The following KIAA0825 variants were observed in gnomAD, a reference collection of about 807,000 sequenced individuals.
KIAA0825 encodes KIAA0825.
Under a neutral mutation model 147.6 loss-of-function variants are expected in KIAA0825, and 119 were observed. The ratio of observed to expected loss-of-function variants is 0.81; its 90% confidence interval spans 0.69 to 0.94. The LOEUF (loss-of-function observed/expected upper bound fraction) is 0.94, where lower values mean the gene tolerates loss of function less well. Ranked by LOEUF, KIAA0825 falls within the 40% of genes least tolerant of loss-of-function variation. KIAA0825 has a pLI of 0.00. For missense variants in KIAA0825, 1,381 were observed against 1,472.7 expected (o/e 0.94, Z 1.02); for synonymous variants, 470 against 518.1 (o/e 0.91, Z 1.26).
chr5:94,315,036 G>A (rs1170181236), intron 20 of KIAA0825, among the ~76,000 whole-genome samples: 3 of 151,562 alleles, frequency 2.0e-5, no homozygotes, highest in Non-Finnish European at 4.4e-5. Flanking sequence ...GCAATAGCTA[G>A]GGATCTCTTG....
At chr5:94,207,692 A>G (rs909156111) in intron 20 of KIAA0825, among the ~76,000 whole-genome samples, 6 of 152,226 alleles carry the variant, frequency 3.9e-5, no homozygotes, top group Non-Finnish European at 7.3e-5. Context: ...TACAACATGG[A>G]TTGAGCAGAC....
chr5:94,388,151 G>A (rs562234108), intron 18 of KIAA0825, among the ~76,000 whole-genome samples: 1 of 152,194 alleles, frequency 6.6e-6, no homozygotes, highest in East Asian at 1.9e-4. Flanking sequence ...ATTCTCATAA[G>A]GAACACACAA....
chr5:94,365,723 A>G (rs571816057), intron 20 of KIAA0825, among the ~76,000 whole-genome samples: 1 of 152,210 alleles, frequency 6.6e-6, no homozygotes, highest in African/African-American at 2.4e-5. Flanking sequence ...TTTAGCTTTG[A>G]AACAAAGATG....
In KIAA0825 at chr5:94,473,291, C is replaced by T; in HGVS notation, c.1455+1G>A. 1 of 1,551,074 alleles carries T rather than the reference C, an allele frequency of 6.4e-7. No individual in the cohort carries two copies. The highest frequency in any genetic ancestry group is 1.2e-5 in the South Asian group (1 of 83,992). Reference sequence around the variant, plus strand: ...AGTTTGAAAGGATTTCATATACTTGCTTTTCCAATTTTCTTTGGTTGTTCC... The same window carrying T: ...AGTTTGAAAGGATTTCATATACTTGTTTTTCCAATTTTCTTTGGTTGTTCC... On this transcript the variant is annotated splice_donor_variant, in intron 8 of 20. Coordinates refer to ENST00000682413, the MANE Select transcript of KIAA0825 (RefSeq NM_001145678.3). LOFTEE classifies it high-confidence loss of function.
rs1766616552 is a variant in KIAA0825, at chr5:94,152,843, AAAAAAAAAAAAATTATATATATATAT to A, written c.*1138_*1163del. On this transcript the variant is annotated 3_prime_UTR_variant, in exon 21 of 21. Coordinates refer to ENST00000682413, the MANE Select transcript of KIAA0825 (RefSeq NM_001145678.3). The stretch of plus-strand genomic sequence containing the variant: ...AATGAAAAAAAAAAAAAAAAAAAAA[AAAAAAAAAAAAATTATATATATATAT>A]ATATATATATATATATATATATATA... The A allele has an allele frequency of 2.8e-5, 1 of 35,668 alleles. No individual in the cohort carries two copies. The highest frequency in any genetic ancestry group is 5.5e-5 in the Non-Finnish European group (1 of 18,226). 2.2% of individuals were successfully genotyped at this position (35,668 alleles called of 1,614,324 possible).
rs74664744 is a variant in KIAA0825, at chr5:94,538,678, T to C, written c.-1-1551A>G. ...ATCCATGGTGATCCATTCTTATTTATTGACAAAGGACTAGGTTGATACATA... is the reference window on the plus strand; with the variant it reads ...ATCCATGGTGATCCATTCTTATTTACTGACAAAGGACTAGGTTGATACATA... On this transcript the variant is annotated intron_variant, in intron 2 of 20. Transcript: ENST00000682413. Among the ~76,000 whole-genome samples, 1,396 of 152,340 alleles carry C rather than the reference T, an allele frequency of 9.2e-3. 16 individuals are homozygous for C. Among genetic ancestry groups the C allele is most frequent in the African/African-American group, 0.032 (1,342 of 41,562 alleles).
intron 20 of KIAA0825, among the ~76,000 whole-genome samples, chr5:94,281,551 A>G (rs995484240): frequency 1.8e-4 from 27 of 152,144 alleles, no homozygotes; most frequent in African/African-American, 6.3e-4. Flanking sequence ...GGATTGGTAG[A>G]GTTAGCTTTA....
chr5:94,595,150 C>A (rs1382363601), intron 1 of KIAA0825, among the ~76,000 whole-genome samples: 1 of 152,178 alleles, frequency 6.6e-6, no homozygotes, highest in Non-Finnish European at 1.5e-5. Context: ...GGTAGTCCCC[C>A]AGTGGGGACT....
intron 20 of KIAA0825, among the ~76,000 whole-genome samples, chr5:94,292,779 C>T (rs1302788044): frequency 3.3e-5 from 5 of 152,064 alleles, no homozygotes; most frequent in Non-Finnish European, 7.4e-5. Flanking sequence ...ATTACTGCCT[C>T]AATTTCAGAA....
At position 94,152,460 on chromosome 5, in the gene KIAA0825, G is replaced by C. The variant is rs1260775856; in HGVS notation, c.*1547C>G. On this transcript the variant is annotated 3_prime_UTR_variant, in exon 21 of 21. Transcript: ENST00000682413. ...TCCAGGGCTTTGAGAGACAGAGAGG[G>C]GAAGATCACTTGAGGTAGGGAGTTC... Among the ~76,000 whole-genome samples the C allele has an allele frequency of 6.6e-6, 1 of 151,930 alleles. No homozygotes were observed. Among genetic ancestry groups the C allele is most frequent in the East Asian group, 1.9e-4 (1 of 5,148 alleles).
chr5:94,194,168 C>T (rs183644747), intron 20 of KIAA0825, among the ~76,000 whole-genome samples: 3 of 152,174 alleles, frequency 2.0e-5, no homozygotes, highest in African/African-American at 7.2e-5. Context: ...TGCTTGCAGA[C>T]AATGTCTCCT....
intron 14 of KIAA0825, among the ~76,000 whole-genome samples, chr5:94,432,585 G>C (rs990894201): frequency 2.0e-5 from 3 of 146,726 alleles, no homozygotes; most frequent in African/African-American, 7.4e-5. Flanking sequence ...AGTAAAGAAA[G>C]TGACAAAAAA....
At chr5:94,515,578 G>A (rs1428409036) in intron 5 of KIAA0825, among the ~76,000 whole-genome samples, 1 of 152,058 alleles carries the variant, frequency 6.6e-6, no homozygotes, top group Non-Finnish European at 1.5e-5. Flanking sequence ...GATCACCTGA[G>A]GTAAGGAGTT....
intron 1 of KIAA0825, among the ~76,000 whole-genome samples, chr5:94,616,651 C>A (rs147124304): frequency 1.6e-3 from 239 of 152,300 alleles, no homozygotes; most frequent in Non-Finnish European, 2.8e-3. Flanking sequence ...TGCTGATGGT[C>A]TCCAGATCTT....
intron 20 of KIAA0825, among the ~76,000 whole-genome samples, chr5:94,357,172 G>A (rs755028227): frequency 2.6e-5 from 4 of 152,106 alleles, no homozygotes; most frequent in South Asian, 2.1e-4. Flanking sequence ...ACAGTCCTTC[G>A]GTTAAAACGC....
chr5:94,612,567 C>T, intron 1 of KIAA0825, among the ~76,000 whole-genome samples: 1 of 152,138 alleles, frequency 6.6e-6, no homozygotes, highest in Non-Finnish European at 1.5e-5. Context: ...ACATCTTGTA[C>T]ATCTTACCTC....
chr5:94,546,823 A>C (rs915339438), intron 2 of KIAA0825, among the ~76,000 whole-genome samples: 4 of 150,440 alleles, frequency 2.7e-5, no homozygotes, highest in African/African-American at 9.8e-5. Flanking sequence ...AAAATCCGCA[A>C]GCATCAAGAC....
At chr5:94,510,406 G>T (rs908851776) in intron 5 of KIAA0825, among the ~76,000 whole-genome samples, 1 of 152,142 alleles carries the variant, frequency 6.6e-6, no homozygotes, top group Non-Finnish European at 1.5e-5. Context: ...TAGAAATAGC[G>T]TAATTTATAC....
At chr5:94,303,181 A>C (rs1187435001) in intron 20 of KIAA0825, among the ~76,000 whole-genome samples, 1 of 152,014 alleles carries the variant, frequency 6.6e-6, no homozygotes, top group Non-Finnish European at 1.5e-5. Context: ...TAGAAATATA[A>C]TTTTCAGCTT....
Sources: allele counts gnomAD v4.1 joint callset (sites outside exome capture counted in the v4.1 genomes callset), GRCh38; gene constraint gnomAD v4.1.1; transcripts MANE v1.5; gene names NCBI Gene and HGNC (gene_info 2026-07-23, HGNC 2026-07-21).